PATJ: variants seen among roughly 807,000 people sequenced by gnomAD.
PATJ encodes the protein inaD-like protein.
PATJ carries 190 observed loss-of-function variants against 224.9 expected under a neutral mutation model. That is an observed-to-expected ratio of 0.84 (90% confidence interval 0.75 to 0.95). The LOEUF (loss-of-function observed/expected upper bound fraction) is 0.95. PATJ is among the 40% of genes least tolerant of loss of function. The pLI, the probability that PATJ is intolerant of heterozygous loss-of-function variation, is 0.00. For missense variants in PATJ, 2,121 were observed against 2,270.3 expected (o/e 0.93, Z 1.34); for synonymous variants, 769 against 820.3 (o/e 0.94, Z 1.07).
chr1:61,771,949 T>C (rs1032810248), intron 6 of PATJ, among the ~76,000 whole-genome samples: 1 of 152,126 alleles, frequency 6.6e-6, no homozygotes, highest in Admixed American at 6.5e-5. Flanking sequence ...CTCGAACTCC[T>C]GCCCTCAGGT....
chr1:62,109,646 C>T (rs1240617110), intron 34 of PATJ, among the ~76,000 whole-genome samples: 5 of 152,122 alleles, frequency 3.3e-5, no homozygotes, highest in African/African-American at 1.2e-4. Context: ...GTTTTTCCCT[C>T]CCTAGATTTT....
intron 1 of PATJ, among the ~76,000 whole-genome samples, chr1:61,743,542 A>G (rs902993389): frequency 2.6e-5 from 4 of 152,132 alleles, no homozygotes; most frequent in Admixed American, 2.6e-4. Context: ...GCCTTTGGAA[A>G]CCCAGAAGGA....
intron 31 of PATJ, among the ~76,000 whole-genome samples, chr1:62,075,407 G>A (rs1034097660): frequency 1.3e-5 from 2 of 152,130 alleles, no homozygotes; most frequent in African/African-American, 4.8e-5. Context: ...ATTATTTCTG[G>A]CACAATGATG....
intron 7 of PATJ, among the ~76,000 whole-genome samples, chr1:61,786,515 C>T (rs1487635212): frequency 4.6e-5 from 7 of 152,008 alleles, no homozygotes; most frequent in Admixed American, 3.3e-4. Context: ...GTATCTAAGA[C>T]AACAGCTCTG....
intron 28 of PATJ, among the ~76,000 whole-genome samples, chr1:62,002,145 A>G (rs35177982): frequency 0.18 from 27,797 of 152,024 alleles, 2,710 homozygotes; most frequent in Non-Finnish European, 0.21. Context: ...CAGAGGCCCC[A>G]AACCTACCTA....
chr1:62,017,695 G>T (rs1355857884), intron 28 of PATJ, among the ~76,000 whole-genome samples, 161 bp from the exon 29 acceptor site: 3 of 140,786 alleles, frequency 2.1e-5, no homozygotes, highest in Non-Finnish European at 4.5e-5. Context: ...TTGCACCATT[G>T]CACTCCAGCC....
intron 35 of PATJ, 103 bp from the exon 36 acceptor site, chr1:62,116,429 G>T: frequency 2.3e-6 from 3 of 1,330,262 alleles, no homozygotes; most frequent in Non-Finnish European, 3.0e-6. Context: ...AAAACTGGAA[G>T]AAGAAAGGAG....
chr1:61,863,904 TA>T (rs1400885567), intron 19 of PATJ, among the ~76,000 whole-genome samples: 2 of 152,258 alleles, frequency 1.3e-5, no homozygotes, highest in Non-Finnish European at 2.9e-5. Flanking sequence ...TACTACTTTT[TA>T]TGGGTTAAAT....
intron 1 of PATJ, among the ~76,000 whole-genome samples, chr1:61,744,284 CAA>C (rs35247131): frequency 5.7e-5 from 4 of 69,678 alleles, no homozygotes; most frequent in East Asian, 9.8e-4. Context: ...AACCCTGTCT[CAA>C]AAAAAAAAAA....
At chr1:61,999,919 G>A (rs938165133) in intron 28 of PATJ, among the ~76,000 whole-genome samples, 2 of 151,946 alleles carry the variant, frequency 1.3e-5, no homozygotes, top group African/African-American at 4.8e-5. Flanking sequence ...GTCTTGCTCT[G>A]TCACCCAGAC....
At chr1:61,860,965 A>G (rs985156792) in intron 18 of PATJ, among the ~76,000 whole-genome samples, 3 of 152,010 alleles carry the variant, frequency 2.0e-5, no homozygotes, top group Non-Finnish European at 2.9e-5. Flanking sequence ...TTTGCTCACC[A>G]GTAAAATAGG....
At chr1:61,962,169 T>C (rs902967805) in intron 27 of PATJ, among the ~76,000 whole-genome samples, 7 of 152,148 alleles carry the variant, frequency 4.6e-5, no homozygotes, top group African/African-American at 1.7e-4. Flanking sequence ...CAGCCTACCA[T>C]GATATTATCA....
At chr1:62,123,469 CTTTTTTTTTT>C (rs34621846) in intron 39 of PATJ, among the ~76,000 whole-genome samples, 2 of 64,538 alleles carry the variant, frequency 3.1e-5, no homozygotes, top group Non-Finnish European at 5.3e-5. Flanking sequence ...CTATAAGTTT[CTTTTTTTTTT>C]TTTTTTTTTT....
At chr1:62,148,916 C>G (rs1668347662) in intron 42 of PATJ, among the ~76,000 whole-genome samples, 1 of 151,988 alleles carries the variant, frequency 6.6e-6, no homozygotes, top group Non-Finnish European at 1.5e-5. Flanking sequence ...CGCCTGAGGT[C>G]AGGAGTTCGA....
chr1:61,964,090 C>G (rs1028659397), intron 27 of PATJ, among the ~76,000 whole-genome samples: 6 of 151,688 alleles, frequency 4.0e-5, no homozygotes, highest in Non-Finnish European at 7.4e-5. Flanking sequence ...CCCTCCCTCC[C>G]TCCCTTCCTT....
chr1:62,125,270 A>G lies in PATJ; in HGVS notation c.5043+2212A>G, dbSNP rs552764030. Among the ~76,000 whole-genome samples, 16 of 149,054 alleles carry G rather than the reference A, an allele frequency of 1.1e-4. 2 individuals carry two copies. The South Asian group carries it at 3.4e-3, about 32-fold the overall frequency. ...AAAAAAAAACAAAAAAAAACAAAAAAAAAACGCCATTAGCTCTATAATAGT... is the reference window on the plus strand; with the variant it reads ...AAAAAAAAACAAAAAAAAACAAAAAGAAAACGCCATTAGCTCTATAATAGT... On this transcript the variant is annotated intron_variant, in intron 39 of 43. Coordinates refer to ENST00000642238, the MANE Select transcript of PATJ (RefSeq NM_001350145.3).
At chr1:62,099,988 A>G (rs543139730) in intron 33 of PATJ, among the ~76,000 whole-genome samples, 1 of 152,340 alleles carries the variant, frequency 6.6e-6, no homozygotes, top group Admixed American at 6.5e-5. Flanking sequence ...GTCTGGTGAC[A>G]TTGACTCTGT....
At chr1:61,796,097 A>G (rs970250380) in intron 10 of PATJ, among the ~76,000 whole-genome samples, 10 of 152,226 alleles carry the variant, frequency 6.6e-5, no homozygotes, top group African/African-American at 2.4e-4. Flanking sequence ...ACATATGTAT[A>G]CACACACATT....
At chr1:62,041,029 T>G (rs899106410) in intron 30 of PATJ, among the ~76,000 whole-genome samples, 1 of 152,164 alleles carries the variant, frequency 6.6e-6, no homozygotes, top group Admixed American at 6.6e-5. Context: ...ATAGCATCTT[T>G]AACAAAAATG....
Sources: allele counts gnomAD v4.1 joint callset (sites outside exome capture counted in the v4.1 genomes callset), GRCh38; gene constraint gnomAD v4.1.1; transcripts MANE v1.5; gene names NCBI Gene and HGNC (gene_info 2026-07-23, HGNC 2026-07-21).